The following DIAPH3 variants were observed in gnomAD, a reference collection of about 807,000 sequenced individuals.
The protein encoded by DIAPH3 is diaphanous related formin 3.
In DIAPH3, 117 loss-of-function variants were observed where a neutral mutation model predicts 144.3. That is an observed-to-expected ratio of 0.81 (90% CI 0.70 to 0.95). DIAPH3 has a LOEUF of 0.95. DIAPH3 is among the 40% of genes least tolerant of loss of function. The probability of loss-of-function intolerance (pLI) is 0.00; values close to 1 mark genes in which losing one functional copy is unlikely to be tolerated. For missense variants in DIAPH3, 1,421 were observed against 1,412.7 expected, an observed-to-expected ratio of 1.01 and a Z score of -0.09; for synonymous variants, 519 against 488.9, an observed-to-expected ratio of 1.06 and a Z score of -0.81.
intron 27 of DIAPH3, among the ~76,000 whole-genome samples, chr13:59,710,586 G>A (rs1225401486): frequency 6.6e-6 from 1 of 152,204 alleles, no homozygotes; most frequent in Non-Finnish European, 1.5e-5. Flanking sequence ...GCAACAGACT[G>A]GGTTGCCAGT....
At chr13:60,084,255 A>C (rs752313862) in intron 4 of DIAPH3, among the ~76,000 whole-genome samples, 1 of 152,038 alleles carries the variant, frequency 6.6e-6, no homozygotes, top group East Asian at 1.9e-4. Flanking sequence ...CTATTTACTT[A>C]TCTGTGTGGT....
At chr13:60,017,997 C>G (rs911300268) in intron 5 of DIAPH3, among the ~76,000 whole-genome samples, 1 of 152,120 alleles carries the variant, frequency 6.6e-6, no homozygotes, top group Non-Finnish European at 1.5e-5. Context: ...TTGTTGACAT[C>G]CTATTCTGAA....
chr13:59,695,992 G>A (rs76610782), intron 27 of DIAPH3: 1 of 152,070 alleles, frequency 6.6e-6, no homozygotes, highest in Non-Finnish European at 1.5e-5. Context: ...AACATACACC[G>A]TTATATTCCA....
intron 18 of DIAPH3, 87 bp downstream of exon 18, chr13:59,924,688 A>G (rs2047674618): frequency 1.3e-6 from 2 of 1,509,752 alleles, no homozygotes; most frequent in Non-Finnish European, 1.8e-6. Context: ...AAAATAGCAA[A>G]TAATGAATAA....
At position 60,109,944 on chromosome 13, in the gene DIAPH3, G is replaced by A. The variant is rs373788235; in HGVS notation, c.390+2066C>T. Reference sequence around the variant, plus strand: ...TTTCAGCTTTCACCAAAAGACAAACGGGGGGAAAAGTCTTTAAGTATAACT... The same window carrying A: ...TTTCAGCTTTCACCAAAAGACAAACAGGGGGAAAAGTCTTTAAGTATAACT... On this transcript the variant is annotated intron_variant, in intron 3 of 27. Transcript: ENST00000400324. Among the ~76,000 whole-genome samples the A allele has an allele frequency of 5.9e-5, 9 of 152,194 alleles. No homozygotes were observed. In the East Asian group the frequency reaches 7.7e-4, roughly 13 times the overall value.
Position 59,665,677 on chromosome 13 carries a change from A to G in DIAPH3, c.*907T>C, listed in dbSNP as rs1238035388. The G allele has an allele frequency of 6.5e-6, 1 of 152,690 alleles. No individual in the cohort carries two copies. The highest frequency in any genetic ancestry group is 1.5e-5 in the Non-Finnish European group (1 of 68,044). 9.5% of individuals were successfully genotyped at this position (152,690 alleles called of 1,614,324 possible). A position where few individuals can be genotyped will look rare whatever the true frequency, so the allele number is the denominator to read the frequency against. ...AAATGAGGTAATATTACATTTGCTT[A>G]GGAAAACTTTCCTTGAAACACTTAT... On this transcript the variant is annotated 3_prime_UTR_variant, in exon 28 of 28. Transcript: ENST00000400324.
chr13:60,080,925 A>G (rs2057536894), intron 4 of DIAPH3, among the ~76,000 whole-genome samples: 1 of 152,014 alleles, frequency 6.6e-6, no homozygotes. Flanking sequence ...AACTCAATTT[A>G]CATGGAGTAC....
chr13:59,922,168 A>C (rs1258317673), intron 18 of DIAPH3, among the ~76,000 whole-genome samples: 1 of 152,068 alleles, frequency 6.6e-6, no homozygotes, highest in East Asian at 1.9e-4. Context: ...CTCCACTTTC[A>C]CCACTTCTAT....
chr13:59,669,289 C>T (rs1449584581), intron 27 of DIAPH3, among the ~76,000 whole-genome samples: 3 of 152,170 alleles, frequency 2.0e-5, no homozygotes, highest in Admixed American at 2.0e-4. Flanking sequence ...CTATGAACTT[C>T]AAAAGCATGA....
intron 9 of DIAPH3, among the ~76,000 whole-genome samples, chr13:60,002,052 C>T (rs73212294): frequency 2.0e-5 from 3 of 151,946 alleles, no homozygotes; most frequent in East Asian, 1.9e-4. Context: ...GGGAAGTTTG[C>T]GCAATCACTA....
At chr13:59,834,608 G>A (rs938057384) in intron 23 of DIAPH3, among the ~76,000 whole-genome samples, 1 of 151,636 alleles carries the variant, frequency 6.6e-6, no homozygotes, top group Non-Finnish European at 1.5e-5. Flanking sequence ...CAGGTAGGGA[G>A]TAAATGTAGG....
intron 17 of DIAPH3, among the ~76,000 whole-genome samples, chr13:59,956,865 G>C (rs1000426142): frequency 6.6e-5 from 10 of 152,216 alleles, no homozygotes; most frequent in African/African-American, 2.4e-4. Context: ...ACCTAGATGT[G>C]AGACATGGAG....
chr13:60,123,019 CAA>C (rs2058887785), intron 2 of DIAPH3, among the ~76,000 whole-genome samples: 1 of 152,020 alleles, frequency 6.6e-6, no homozygotes, highest in Admixed American at 6.6e-5. Context: ...TACCCATAAA[CAA>C]AAAGTCATGT....
At chr13:60,143,694 T>G (rs1951380142) in intron 1 of DIAPH3, among the ~76,000 whole-genome samples, 1 of 152,202 alleles carries the variant, frequency 6.6e-6, no homozygotes, top group South Asian at 2.1e-4. Flanking sequence ...TTGATTTTTG[T>G]CATGGTCAAT....
chr13:59,964,168 A>C (rs2049922997), intron 17 of DIAPH3, among the ~76,000 whole-genome samples: 1 of 152,142 alleles, frequency 6.6e-6, no homozygotes, highest in African/African-American at 2.4e-5. Context: ...TTAAGGGATG[A>C]TAGCTACGGA....
intron 18 of DIAPH3, among the ~76,000 whole-genome samples, chr13:59,918,224 AGAG>A (rs1189045013): frequency 4.2e-4 from 58 of 137,250 alleles, no homozygotes; most frequent in Non-Finnish European, 4.9e-4. Context: ...AAAAAAAAAA[AGAG>A]AGAGAGAGAG....
intron 18 of DIAPH3, among the ~76,000 whole-genome samples, chr13:59,917,583 A>C (rs1203920829): frequency 6.6e-6 from 1 of 152,066 alleles, no homozygotes; most frequent in African/African-American, 2.4e-5. Flanking sequence ...GAAATATGTA[A>C]ATGGTATAAG....
At chr13:59,918,208 G>GAAA (rs571397429) in intron 18 of DIAPH3, among the ~76,000 whole-genome samples, 7 of 95,032 alleles carry the variant, frequency 7.4e-5, no homozygotes, top group East Asian at 3.1e-4. Flanking sequence ...GGCAGCACAG[G>GAAA]AAAAAAAAAA....
intron 8 of DIAPH3, among the ~76,000 whole-genome samples, chr13:60,009,670 G>T (rs2053117518): frequency 2.6e-5 from 4 of 152,170 alleles, no homozygotes; most frequent in Non-Finnish European, 5.9e-5. Flanking sequence ...GGCACACTTT[G>T]CGGGCAGACT....
Sources: gnomAD v4.1 joint callset for allele counts (sites outside exome capture counted in the v4.1 genomes callset) on GRCh38, gnomAD v4.1.1 for gene constraint, MANE v1.5 for transcripts, NCBI Gene and HGNC (gene_info 2026-07-23, HGNC 2026-07-21) for gene names.